Variants in NPY2R observed in about 807,000 individuals in gnomAD.
NPY2R encodes neuropeptide Y receptor Y2.
A neutral mutation model predicts 22.3 loss-of-function variants in NPY2R; 17 were observed. The observed-to-expected ratio is 0.76, with a 90% CI of 0.52 to 1.14. NPY2R has a LOEUF of 1.14. NPY2R is among the 50% of genes most tolerant of loss of function. The pLI, the probability that NPY2R is intolerant of heterozygous loss-of-function variation, is 0.00. For missense variants in NPY2R, 424 were observed against 467.9 expected (o/e 0.91, Z 0.87); for synonymous variants, 209 against 183.4 (o/e 1.14, Z -1.13).
At chr4:155,206,362 A>G (rs1029486848), upstream of NPY2R, among the ~76,000 whole-genome samples, 1 of 152,236 alleles carries the variant, frequency 6.6e-6, no homozygotes, top group Non-Finnish European at 1.5e-5. Flanking sequence ...AACTGGGTTT[A>G]TGGACATTCA....
At chr4:155,188,935 T>A in the NPY2R span, among the ~76,000 whole-genome samples, 3 of 152,126 alleles carry the variant, frequency 2.0e-5, no homozygotes, top group Non-Finnish European at 4.4e-5. Flanking sequence ...TGTGGTAGTG[T>A]TTTACTTAGT....
chr4:155,214,111 T>A lies in NPY2R; in HGVS notation c.172T>A (p.Cys58Ser). 15 of 1,614,008 alleles carry A rather than the reference T, an allele frequency of 9.3e-6. No homozygotes were observed. Among genetic ancestry groups the A allele is most frequent in the Non-Finnish European group, 1.2e-5 (14 of 1,179,828 alleles). Reference sequence around the variant, plus strand: ...ACAAGTTGTTCTCATATTGGCCTACTGCTCCATCATCTTGCTTGGGGTAAT... The same window carrying A: ...ACAAGTTGTTCTCATATTGGCCTACAGCTCCATCATCTTGCTTGGGGTAAT... Reference protein sequence around the residue: ...EVQVVLILAYCSIILLGVIGN... With the variant: ...EVQVVLILAYSSIILLGVIGN... Residue 58 changes from cysteine (C) to serine (S), a missense_variant, in exon 2 of 2, where the codon TGC becomes AGC. Transcript: ENST00000329476.
intron 1 of NPY2R, among the ~76,000 whole-genome samples, 189 bp downstream of exon 1, chr4:155,209,258 C>A (rs1729352992): frequency 6.6e-6 from 1 of 152,160 alleles, no homozygotes; most frequent in African/African-American, 2.4e-5. Context: ...TCTAGATTTT[C>A]CCTTTTCTGT....
At position 155,214,459 on chromosome 4, in the gene NPY2R, G is replaced by T. The variant is rs1322422518; in HGVS notation, c.520G>T (p.Gly174Cys). ...CTTCCTGATTATTGGCTTGGCCTGG[G>T]GCATCAGTGCCCTGCTGGCAAGTCC... ...ISFLIIGLAW[G>C]ISALLASPLA... Residue 174 changes from glycine (G) to cysteine (C), a missense_variant, in exon 2 of 2, where the codon GGC (glycine) becomes TGC (cysteine). Gly to Cys is a radical substitution (Grantham distance 159, BLOSUM62 -3). Coordinates refer to ENST00000329476, the MANE Select transcript of NPY2R (RefSeq NM_000910.4). 3 of 1,614,068 alleles carry T rather than the reference G, an allele frequency of 1.9e-6. No homozygotes were observed. Among genetic ancestry groups the T allele is most frequent in the Non-Finnish European group, 2.5e-6 (3 of 1,180,020 alleles).
the NPY2R span, chr4:155,174,055 GT>G: frequency 1.3e-5 from 2 of 151,914 alleles, no homozygotes; most frequent in Non-Finnish European, 2.9e-5. Context: ...ATGAGCTGCA[GT>G]TTTTTGACAT....
the NPY2R span, among the ~76,000 whole-genome samples, chr4:155,201,815 G>A: frequency 6.6e-6 from 1 of 152,044 alleles, no homozygotes; most frequent in Admixed American, 6.6e-5. Context: ...TTTCTGCCTG[G>A]TGAGAAATAT....
At chr4:155,203,066 G>T in the NPY2R span, among the ~76,000 whole-genome samples, 1 of 151,950 alleles carries the variant, frequency 6.6e-6, no homozygotes, top group Non-Finnish European at 1.5e-5. Flanking sequence ...TATCCATTTG[G>T]ATGATTGCTA....
chr4:155,194,332 A>G, the NPY2R span, among the ~76,000 whole-genome samples: 2 of 150,022 alleles, frequency 1.3e-5, no homozygotes, highest in East Asian at 1.9e-4. Context: ...TGGTGTACCA[A>G]TGATTTCGTC....
the NPY2R span, among the ~76,000 whole-genome samples, chr4:155,197,138 GT>G: frequency 6.6e-5 from 10 of 151,894 alleles, no homozygotes; most frequent in South Asian, 1.9e-3. Flanking sequence ...TTTACTCTGA[GT>G]TTTTTTCACT....
chr4:155,214,181 T>G lies in NPY2R; in HGVS notation c.242T>G (p.Met81Arg). Reference sequence around the variant, plus strand: ...CATGTGGTGATCAAATTCAAGAGCATGCGCACAGTAACCAACTTTTTCATT... The same window carrying G: ...CATGTGGTGATCAAATTCAAGAGCAGGCGCACAGTAACCAACTTTTTCATT... Reference protein sequence around the residue: ...VIHVVIKFKSMRTVTNFFIAN... With the variant: ...VIHVVIKFKSRRTVTNFFIAN... Residue 81 changes from methionine (M) to arginine (R), a missense_variant, in exon 2 of 2, where the codon ATG becomes AGG. Coordinates refer to ENST00000329476, the MANE Select transcript of NPY2R (RefSeq NM_000910.4). 1 of 1,614,126 alleles carries G rather than the reference T, an allele frequency of 6.2e-7. No individual in the cohort carries two copies. Among genetic ancestry groups the G allele is most frequent in the Non-Finnish European group, 8.5e-7 (1 of 1,179,978 alleles).
At chr4:155,200,260 A>G in the NPY2R span, among the ~76,000 whole-genome samples, 1 of 152,184 alleles carries the variant, frequency 6.6e-6, no homozygotes, top group Admixed American at 6.5e-5. Flanking sequence ...AAAGCTCAAC[A>G]TCACTGATCA....
At chr4:155,178,084 T>C in the NPY2R span, among the ~76,000 whole-genome samples, 1 of 152,210 alleles carries the variant, frequency 6.6e-6, no homozygotes, top group Non-Finnish European at 1.5e-5. Context: ...TTGAGGTTTC[T>C]TCAAATATTC....
the NPY2R span, among the ~76,000 whole-genome samples, chr4:155,185,566 A>G: frequency 6.6e-6 from 1 of 152,202 alleles, no homozygotes; most frequent in Non-Finnish European, 1.5e-5. Context: ...TGGAGCATAA[A>G]AAAACTAGTT....
chr4:155,197,641 T>C, the NPY2R span, among the ~76,000 whole-genome samples: 11 of 151,984 alleles, frequency 7.2e-5, no homozygotes, highest in African/African-American at 1.7e-4. Flanking sequence ...AGATTCCTAA[T>C]AGTAACTTTC....
the NPY2R span, among the ~76,000 whole-genome samples, chr4:155,197,139 T>G: frequency 6.6e-6 from 1 of 151,928 alleles, no homozygotes; most frequent in Non-Finnish European, 1.5e-5. Flanking sequence ...TTACTCTGAG[T>G]TTTTTTCACT....
chr4:155,177,532 C>T, the NPY2R span, among the ~76,000 whole-genome samples: 3 of 152,180 alleles, frequency 2.0e-5, no homozygotes, highest in Non-Finnish European at 4.4e-5. Flanking sequence ...TTTAAGCCCC[C>T]TGCCTACAGT....
Position 155,214,364 on chromosome 4 carries a change from C to G in NPY2R, c.425C>G (p.Thr142Arg), listed in dbSNP as rs1234721549. ...LAVQVSTITL[T>R]VIALDRHRCI... ...GTACAAGTATCCACAATCACCTTGA[C>G]AGTAATTGCCCTGGACCGGCACAGG... is the stretch of plus-strand genomic sequence containing the variant. The change falls in exon 2 of 2, where the codon ACA (threonine) becomes AGA (arginine). Residue 142 changes from threonine to arginine, a missense_variant. Physicochemically the swap from Thr to Arg is moderately conservative, Grantham distance 71 (BLOSUM62 -1). Coordinates refer to ENST00000329476, the MANE Select transcript of NPY2R (RefSeq NM_000910.4). 6.2e-7 allele frequency: 1 copy of G among 1,614,166 alleles called. No individual in the cohort carries two copies. The highest frequency in any genetic ancestry group is 1.7e-5 in the Admixed American group (1 of 60,016).
chr4:155,207,833 G>C (rs199512185), upstream of NPY2R: 1 of 141,892 alleles, frequency 7.0e-6, no homozygotes, highest in African/African-American at 2.7e-5. Flanking sequence ...GAGAGAGAGA[G>C]AGATTGTGTT....
Position 155,214,139 on chromosome 4 carries a change from G to A in NPY2R, c.200G>A (p.Gly67Asp). 2 of 1,613,796 alleles carry A rather than the reference G, an allele frequency of 1.2e-6. No individual in the cohort carries two copies. Among genetic ancestry groups the A allele is most frequent in the Non-Finnish European group, 1.7e-6 (2 of 1,179,738 alleles). Residue 67 changes from glycine (G) to aspartate (D), a missense_variant, in exon 2 of 2, where the codon GGC becomes GAC. Coordinates refer to ENST00000329476, the MANE Select transcript of NPY2R (RefSeq NM_000910.4). ...TCCATCATCTTGCTTGGGGTAATTG[G>A]CAACTCCTTGGTGATCCATGTGGTG... is the stretch of plus-strand genomic sequence containing the variant. ...YCSIILLGVIGNSLVIHVVIK... is the reference protein window; with the variant it reads ...YCSIILLGVIDNSLVIHVVIK...
Sources: gnomAD v4.1 joint callset for allele counts (sites outside exome capture counted in the v4.1 genomes callset) on GRCh38, gnomAD v4.1.1 for gene constraint, MANE v1.5 for transcripts, NCBI Gene and HGNC (gene_info 2026-07-23, HGNC 2026-07-21) for gene names.